The following FAM149B1 variants were observed in gnomAD, a reference collection of about 807,000 sequenced individuals.
FAM149B1 encodes the protein family with sequence similarity 149 member B1, also known as primary cilium assembly protein FAM149B1.
FAM149B1 carries 56 observed loss-of-function variants against 75.3 expected under a neutral mutation model. The observed-to-expected ratio is 0.74, with a 90% CI of 0.60 to 0.93. The LOEUF is 0.93. Ranked by LOEUF, FAM149B1 falls within the 40% of genes least tolerant of loss-of-function variation. The probability of loss-of-function intolerance (pLI) is 0.00; values close to 1 mark genes in which losing one functional copy is unlikely to be tolerated. For missense variants in FAM149B1, 639 were observed against 708.4 expected (o/e 0.90, Z 1.11); for synonymous variants, 259 against 256.1 (o/e 1.01, Z -0.11).
intron 7 of FAM149B1, among the ~76,000 whole-genome samples, chr10:73,225,566 AAAAT>A (rs1221313217): frequency 6.6e-6 from 1 of 152,238 alleles, no homozygotes; most frequent in African/African-American, 2.4e-5. Context: ...AAAAGTTAAA[AAAAT>A]AAAAAATTTA....
In FAM149B1 at chr10:73,235,216, A is replaced by G. The variant is rs1360688828; in HGVS notation, c.1500A>G (p.Arg500=). The G allele has an allele frequency of 6.4e-6, 10 of 1,551,714 alleles. No homozygotes were observed. In the South Asian group the frequency reaches 1.1e-4, roughly 17 times the overall value. The change falls in exon 12 of 14, where the codon CGA becomes CGG. Residue 500 remains arginine, a synonymous_variant. Transcript: ENST00000242505. ...AGAAACCCCATGGCGACTCTAGTCG[A>G]GCTCAAAGTGCGGTGGTGGATGAAC... The part of the protein sequence containing the change: ...RQMKPHGDSS[R]AQSAVVDEPN...
intron 3 of FAM149B1, among the ~76,000 whole-genome samples, chr10:73,178,491 A>G (rs80037896): frequency 6.7e-6 from 1 of 148,218 alleles, no homozygotes; most frequent in Non-Finnish European, 1.5e-5. Context: ...AACTGTCTCA[A>G]AAAAAAAAAA....
intron 5 of FAM149B1, among the ~76,000 whole-genome samples, chr10:73,195,516 T>A (rs2042783127): frequency 6.6e-6 from 1 of 152,242 alleles, no homozygotes; most frequent in Non-Finnish European, 1.5e-5. Flanking sequence ...TATTCTGTTA[T>A]TAGGATATAT....
chr10:73,196,064 T>G (rs1371252245), intron 5 of FAM149B1, among the ~76,000 whole-genome samples: 3 of 152,250 alleles, frequency 2.0e-5, no homozygotes, highest in Non-Finnish European at 4.4e-5. Context: ...CTCTAATTAT[T>G]ACAACTTAGC....
chr10:73,175,595 G>A (rs1348899460), intron 2 of FAM149B1, among the ~76,000 whole-genome samples: 8 of 150,404 alleles, frequency 5.3e-5, no homozygotes, highest in East Asian at 1.9e-4. Context: ...GCATGAACCC[G>A]GGAGGCGGAG....
At chr10:73,173,661 A>G (rs1843816227) in intron 1 of FAM149B1, among the ~76,000 whole-genome samples, 1 of 152,212 alleles carries the variant, frequency 6.6e-6, no homozygotes, top group South Asian at 2.1e-4. Context: ...CTTAACCACT[A>G]ATAGCCTACT....
At position 73,243,295 on chromosome 10, in the gene FAM149B1, A is replaced by C; in HGVS notation, c.*2276A>C. 1 of 1,308,546 alleles carries C rather than the reference A, an allele frequency of 7.6e-7. No homozygotes were observed. The allele number at this position is 1,308,546 out of a possible 1,614,324, so 81.1% of individuals were successfully genotyped here. A position where few individuals can be genotyped will look rare whatever the true frequency, so the allele number is the denominator to read the frequency against. ...TCTGAAAAATTCAGGCTGGAAAGAC[A>C]CCTTTTCTCAAGAGCTGAATTGACT... On this transcript the variant is annotated 3_prime_UTR_variant, in exon 14 of 14. Coordinates refer to ENST00000242505, the MANE Select transcript of FAM149B1 (RefSeq NM_173348.2).
intron 5 of FAM149B1, chr10:73,200,789 T>C (rs1180617782): frequency 8.5e-6 from 4 of 472,122 alleles, no homozygotes; most frequent in South Asian, 3.4e-5. Context: ...GGAATGGAAG[T>C]TGGATATACT....
intron 8 of FAM149B1, among the ~76,000 whole-genome samples, chr10:73,228,537 G>A (rs1306336283): frequency 6.6e-6 from 1 of 151,942 alleles, no homozygotes; most frequent in East Asian, 1.9e-4. Context: ...TCCTTTGAAC[G>A]CCTCCTTCCT....
chr10:73,181,150 G>A (rs915369496), intron 3 of FAM149B1, among the ~76,000 whole-genome samples: 2 of 151,966 alleles, frequency 1.3e-5, no homozygotes, highest in African/African-American at 4.8e-5. Flanking sequence ...GGGACTACAG[G>A]TGCCTGCTAC....
intron 7 of FAM149B1, among the ~76,000 whole-genome samples, chr10:73,213,998 T>C (rs1042600933): frequency 6.6e-6 from 1 of 152,132 alleles, no homozygotes; most frequent in African/African-American, 2.4e-5. Flanking sequence ...AATTCTTTAG[T>C]CAGTGTTTTG....
intron 6 of FAM149B1, among the ~76,000 whole-genome samples, 185 bp downstream of exon 6, chr10:73,208,971 T>A (rs117765026): frequency 0.011 from 1,725 of 152,350 alleles, 20 homozygotes; most frequent in Non-Finnish European, 0.016. Flanking sequence ...GACTTCCTTG[T>A]GTATTTTATA....
At chr10:73,182,833 A>T (rs750199604) in intron 3 of FAM149B1, among the ~76,000 whole-genome samples, 76 of 152,290 alleles carry the variant, frequency 5.0e-4, no homozygotes, top group Non-Finnish European at 9.3e-4. Context: ...AAACCCGGAG[A>T]GATAATACAT....
chr10:73,219,772 C>T (rs960109342), intron 7 of FAM149B1, among the ~76,000 whole-genome samples: 1 of 152,036 alleles, frequency 6.6e-6, no homozygotes, highest in African/African-American at 2.4e-5. Context: ...GGATCAAGGA[C>T]CTAAATTTGA....
At position 73,244,036 on chromosome 10, in the gene FAM149B1, G is replaced by A; in HGVS notation, c.*3017G>A. 1.2e-6 allele frequency: 1 copy of A among 864,958 alleles called. No homozygotes were observed. Among genetic ancestry groups the A allele is most frequent in the Non-Finnish European group, 1.8e-6 (1 of 549,160 alleles). 53.6% of individuals were successfully genotyped at this position (864,958 alleles called of 1,614,324 possible). On this transcript the variant is annotated 3_prime_UTR_variant, in exon 14 of 14. Transcript: ENST00000242505. The stretch of plus-strand genomic sequence containing the variant: ...TTCTGTTTCAATTTTATGAATATAT[G>A]AATAGACAAAATGAATCGAATTACA...
chr10:73,225,956 A>T (rs1254585318), intron 7 of FAM149B1, among the ~76,000 whole-genome samples: 2 of 152,210 alleles, frequency 1.3e-5, no homozygotes, highest in Non-Finnish European at 2.9e-5. Flanking sequence ...TAAGGTGTGT[A>T]ATAGGCTGTA....
At position 73,243,972 on chromosome 10, in the gene FAM149B1, G is replaced by T; in HGVS notation, c.*2953G>T. 1 of 1,506,940 alleles carries T rather than the reference G, an allele frequency of 6.6e-7. No individual in the cohort carries two copies. Among genetic ancestry groups the T allele is most frequent in the Middle Eastern group, 1.7e-4 (1 of 5,796 alleles). 93.3% of individuals were successfully genotyped at this position (1,506,940 alleles called of 1,614,324 possible). Reference sequence around the variant, plus strand: ...ATGAGACTCAGGGCCACCAGGAAATGCTTAAAATACATACTCTTTCCCAAA... The same window carrying T: ...ATGAGACTCAGGGCCACCAGGAAATTCTTAAAATACATACTCTTTCCCAAA... On this transcript the variant is annotated 3_prime_UTR_variant, in exon 14 of 14. Transcript: ENST00000242505.
chr10:73,233,102 A>G lies in FAM149B1; in HGVS notation c.1291A>G (p.Thr431Ala), dbSNP rs753294444. 6 of 1,551,746 alleles carry G rather than the reference A, an allele frequency of 3.9e-6. No homozygotes were observed. The highest frequency in any genetic ancestry group is 4.4e-6 in the Non-Finnish European group (5 of 1,147,012). Residue 431 changes from threonine to alanine, a missense_variant, in exon 10 of 14, where the codon ACG becomes GCG. By Grantham distance (58) the Thr-to-Ala change is moderately conservative (BLOSUM62 0). Transcript: ENST00000242505. ...PPPRTLHPIS[T>A]SHSCAETPRS... Reference sequence around the variant, plus strand: ...ACCACGAACTCTTCATCCGATCAGCACGAGCCATTCATGTGCTGAAACACC... The same window carrying G: ...ACCACGAACTCTTCATCCGATCAGCGCGAGCCATTCATGTGCTGAAACACC...
chr10:73,228,302 G>A (rs1426292557), intron 8 of FAM149B1, 118 bp downstream of exon 8: 4 of 782,346 alleles, frequency 5.1e-6, no homozygotes, highest in Admixed American at 2.7e-5. Flanking sequence ...GTACAGTTAT[G>A]TGTTTATCAT....
Sources: allele counts gnomAD v4.1 joint callset (sites outside exome capture counted in the v4.1 genomes callset), GRCh38; gene constraint gnomAD v4.1.1; transcripts MANE v1.5; gene names NCBI Gene and HGNC (gene_info 2026-07-23, HGNC 2026-07-21).